Variants in POLR3B observed in about 807,000 individuals in gnomAD.
POLR3B encodes the protein RNA polymerase III subunit B.
Under a neutral mutation model 147.4 loss-of-function variants are expected in POLR3B, and 96 were observed. The ratio of observed to expected loss-of-function variants is 0.65; its 90% CI spans 0.55 to 0.77. The LOEUF (loss-of-function observed/expected upper bound fraction) is 0.77. Ranked by LOEUF, POLR3B falls within the 30% of genes least tolerant of loss-of-function variation. The probability of loss-of-function intolerance (pLI) is 0.00; values close to 1 mark genes in which losing one functional copy is unlikely to be tolerated. For missense variants in POLR3B, 1,036 were observed against 1,413.5 expected (o/e 0.73, Z 4.28); for synonymous variants, 461 against 485.9 (o/e 0.95, Z 0.67).
chr12:106,405,922 C>T lies in POLR3B; in HGVS notation c.912C>T (p.Thr304=). The change falls in exon 11 of 28, where the codon ACC becomes ACT. Residue 304 remains threonine (T), a synonymous_variant. Coordinates refer to ENST00000228347, the MANE Select transcript of POLR3B (RefSeq NM_018082.6). ...QRMWGGGPKK[T]KIEEARELLA... is the part of the protein sequence containing the mutation. ...TGTGGGGAGGTGGACCAAAGAAAAC[C>T]AAAATAGAAGAAGCAAGAGAGCTCC... 6.2e-7 allele frequency: 1 copy of T among 1,613,570 alleles called. No homozygotes were observed. Among genetic ancestry groups the T allele is most frequent in the Non-Finnish European group, 8.5e-7 (1 of 1,179,630 alleles).
At chr12:106,458,541 G>A (rs2037893637) in intron 21 of POLR3B, among the ~76,000 whole-genome samples, 1 of 152,224 alleles carries the variant, frequency 6.6e-6, no homozygotes. Flanking sequence ...CTGGTACCAG[G>A]AGCTGTGGTG....
rs182259636 is a variant in POLR3B, at chr12:106,384,780, T to C, written c.723+4641T>C. On this transcript the variant is annotated intron_variant, in intron 9 of 27. Coordinates refer to ENST00000228347, the MANE Select transcript of POLR3B (RefSeq NM_018082.6). ...ATAAGCTTTGTTCAGGCATGAGTTA[T>C]AGTGCTGTTGGCTAACTTCAAAGTT... is the stretch of plus-strand genomic sequence containing the variant. Among the ~76,000 whole-genome samples the C allele has an allele frequency of 2.6e-5, 4 of 152,262 alleles. No individual in the cohort carries two copies. In the East Asian group the frequency reaches 5.8e-4, roughly 22 times the overall value.
At chr12:106,448,427 CTTTTTT>C (rs869133588) in intron 19 of POLR3B, among the ~76,000 whole-genome samples, 1,088 of 50,352 alleles carry the variant, frequency 0.022, 5 homozygotes, top group African/African-American at 0.076. Context: ...TACGTTATTT[CTTTTTT>C]TTTTTTTTTT....
chr12:106,369,629 T>C lies in POLR3B; in HGVS notation c.350T>C (p.Ile117Thr), dbSNP rs2036577746. The change falls in exon 6 of 28, where the codon ATT (isoleucine) becomes ACT (threonine). Residue 117 changes from isoleucine (I) to threonine (T), a missense_variant. Around this residue, in one of 12 missense-constraint regions of POLR3B, gnomAD observed 150 missense variants for 145.5 expected, o/e 1.03. Coordinates refer to ENST00000228347, the MANE Select transcript of POLR3B (RefSeq NM_018082.6). ...MTYSAPITVDIEYTRGSQRII... is the reference protein window; with the variant it reads ...MTYSAPITVDTEYTRGSQRII... ...TACTCTGCCCCTATTACAGTGGATA[T>C]TGAATATACCCGAGGCAGCCAGAGG... 6.2e-7 allele frequency: 1 copy of C among 1,613,582 alleles called. No homozygotes were observed. Among genetic ancestry groups the C allele is most frequent in the Non-Finnish European group, 8.5e-7 (1 of 1,179,524 alleles).
At chr12:106,438,919 A>G (rs1262459563) in intron 18 of POLR3B, among the ~76,000 whole-genome samples, 1 of 152,250 alleles carries the variant, frequency 6.6e-6, no homozygotes, top group Non-Finnish European at 1.5e-5. Flanking sequence ...TTTTAGAAGC[A>G]TCTGTGTTCC....
intron 12 of POLR3B, among the ~76,000 whole-genome samples, chr12:106,416,243 T>C (rs776390173): frequency 1.3e-5 from 2 of 152,260 alleles, no homozygotes; most frequent in Non-Finnish European, 2.9e-5. Flanking sequence ...TGTCTGTTGC[T>C]GCAGAAATTG....
In POLR3B at chr12:106,433,699, T is replaced by G; in HGVS notation, c.1628-20T>G. The stretch of plus-strand genomic sequence containing the variant: ...ATTTATTTTTTATTTCTGTCTTACC[T>G]GTTCTTTCTTTTTGCCTAGGTAACA... On this transcript the variant is annotated intron_variant, in intron 15 of 27. Coordinates refer to ENST00000228347, the MANE Select transcript of POLR3B (RefSeq NM_018082.6). The G allele has an allele frequency of 3.1e-6, 5 of 1,606,686 alleles. No homozygotes were observed. The highest frequency in any genetic ancestry group is 4.3e-6 in the Non-Finnish European group (5 of 1,175,624).
intron 16 of POLR3B, 98 bp downstream of exon 16, chr12:106,433,970 T>G (rs907172398): frequency 1.1e-6 from 1 of 949,272 alleles, no homozygotes; most frequent in African/African-American, 1.6e-5. Flanking sequence ...TGTTTTAACC[T>G]CTTTCATTGT....
intron 21 of POLR3B, among the ~76,000 whole-genome samples, chr12:106,458,053 G>A (rs1374322165): frequency 2.0e-5 from 3 of 152,136 alleles, no homozygotes; most frequent in African/African-American, 7.2e-5. Context: ...TGAGTTGGTG[G>A]GTGACGCAAG....
intron 9 of POLR3B, among the ~76,000 whole-genome samples, chr12:106,390,179 C>G (rs1047359415): frequency 6.7e-6 from 1 of 148,826 alleles, no homozygotes; most frequent in Non-Finnish European, 1.5e-5. Flanking sequence ...GATTGCACCA[C>G]TGTACTCCAG....
At chr12:106,460,011 T>C (rs1406068662) in intron 22 of POLR3B, among the ~76,000 whole-genome samples, 1 of 152,220 alleles carries the variant, frequency 6.6e-6, no homozygotes, top group Non-Finnish European at 1.5e-5. Context: ...ATATCTAACC[T>C]AGCCAAGGTG....
chr12:106,498,095 C>A (rs1476892809), intron 25 of POLR3B, among the ~76,000 whole-genome samples: 1 of 152,142 alleles, frequency 6.6e-6, no homozygotes, highest in Non-Finnish European at 1.5e-5. Context: ...ATAGCTCTCA[C>A]CAAAATGAAG....
chr12:106,480,856 T>A (rs2038257028), intron 23 of POLR3B, among the ~76,000 whole-genome samples: 1 of 151,018 alleles, frequency 6.6e-6, no homozygotes, highest in South Asian at 2.1e-4. Flanking sequence ...GAGGGAATGA[T>A]ATGTCGTGAG....
chr12:106,378,488 C>T (rs1196896113), intron 8 of POLR3B, 104 bp downstream of exon 8: 2 of 698,418 alleles, frequency 2.9e-6, no homozygotes, highest in African/African-American at 3.6e-5. Flanking sequence ...CCTCTAAAAG[C>T]AGGCATTGTA....
At chr12:106,358,373 C>G (rs1434729264) in intron 1 of POLR3B, among the ~76,000 whole-genome samples, 1 of 152,206 alleles carries the variant, frequency 6.6e-6, no homozygotes, top group African/African-American at 2.4e-5. Flanking sequence ...GTCTGAATTC[C>G]AAGCTAGTCA....
intron 13 of POLR3B, among the ~76,000 whole-genome samples, chr12:106,428,586 A>G (rs73392612): frequency 0.011 from 1,741 of 152,194 alleles, 39 homozygotes; most frequent in African/African-American, 0.04. Context: ...CTTCACTCCC[A>G]TCTACTTGCT....
At chr12:106,409,729 T>G (rs2037200476) in intron 11 of POLR3B, among the ~76,000 whole-genome samples, 1 of 151,808 alleles carries the variant, frequency 6.6e-6, no homozygotes, top group Admixed American at 6.6e-5. Context: ...ATAAATTTTA[T>G]AAAAGAGATT....
chr12:106,360,442 A>G (rs2036454934), intron 1 of POLR3B, among the ~76,000 whole-genome samples: 1 of 152,172 alleles, frequency 6.6e-6, no homozygotes, highest in Non-Finnish European at 1.5e-5. Context: ...TGTAGATTAA[A>G]TCCCACATAT....
At chr12:106,483,759 CAA>C (rs1410058789) in intron 23 of POLR3B, among the ~76,000 whole-genome samples, 1 of 152,114 alleles carries the variant, frequency 6.6e-6, no homozygotes, top group Non-Finnish European at 1.5e-5. Flanking sequence ...CAGAGGTGCT[CAA>C]GAGTTAGTAA....
Sources: gnomAD v4.1 joint callset for allele counts (sites outside exome capture counted in the v4.1 genomes callset) on GRCh38, gnomAD v4.1.1 for gene constraint, gnomAD v4.1.1 regional missense constraint, MANE v1.5 for transcripts, NCBI Gene and HGNC (gene_info 2026-07-23, HGNC 2026-07-21) for gene names.